The following RBM45 variants were observed in gnomAD, a reference collection of about 807,000 sequenced individuals.
RBM45 encodes the protein RNA-binding protein 45.
In RBM45, 39 loss-of-function variants were observed where a neutral mutation model predicts 58.5. The ratio of observed to expected loss-of-function variants is 0.67; its 90% CI spans 0.52 to 0.87. The LOEUF is 0.87. Among genes scored for constraint, RBM45 ranks in the 40% least tolerant of loss-of-function variants. The pLI, the probability that RBM45 is intolerant of heterozygous loss-of-function variation, is 0.00. For missense variants in RBM45, 481 were observed against 581.6 expected, an observed-to-expected ratio of 0.83 and a Z score of 1.78; for synonymous variants, 193 against 203.0, an observed-to-expected ratio of 0.95 and a Z score of 0.42.
At chr2:178,131,967 A>G (rs1379663595), downstream of RBM45, among the ~76,000 whole-genome samples, 1 of 152,206 alleles carries the variant, frequency 6.6e-6, no homozygotes, top group African/African-American at 2.4e-5. Flanking sequence ...CACTTTGAGT[A>G]TAAGAACATA....
At chr2:178,128,701 A>G (rs2153906549) in intron 9 of RBM45, among the ~76,000 whole-genome samples, 1 of 152,332 alleles carries the variant, frequency 6.6e-6, no homozygotes, top group South Asian at 2.1e-4. Context: ...TTAGTTGAAA[A>G]TGGCTGTTTG....
rs1431837538 is a variant in RBM45, at chr2:178,121,357, A to T, written c.851A>T (p.Tyr284Phe). The change falls in exon 5 of 10, where the codon TAT becomes TTT. Residue 284 changes from tyrosine to phenylalanine, a missense_variant and splice_region_variant. Physicochemically the swap from Tyr to Phe is conservative, Grantham distance 22. Transcript: ENST00000286070. Reference protein sequence around the residue: ...CEVQRDPYSNYGHGVVQYFNV... With the variant: ...CEVQRDPYSNFGHGVVQYFNV... Reference sequence around the variant, plus strand: ...GTTCAACGAGATCCTTATTCAAATTATGGTAAAATAATGTTCACATTAAAA... The same window carrying T: ...GTTCAACGAGATCCTTATTCAAATTTTGGTAAAATAATGTTCACATTAAAA... The T allele has an allele frequency of 2.0e-6, 3 of 1,522,650 alleles. No homozygotes were observed. The highest frequency in any genetic ancestry group is 1.4e-5 in the African/African-American group (1 of 70,806). The allele number at this position is 1,522,650 out of a possible 1,614,324, so 94.3% of individuals were successfully genotyped here.
At position 178,124,194 on chromosome 2, in the gene RBM45, A is replaced by G. The variant is rs1425071709; in HGVS notation, c.1136A>G (p.Lys379Arg). 1 of 1,609,728 alleles carries G rather than the reference A, an allele frequency of 6.2e-7. No individual in the cohort carries two copies. The highest frequency in any genetic ancestry group is 1.3e-5 in the African/African-American group (1 of 74,684). Residue 379 changes from lysine to arginine, a missense_variant, in exon 8 of 10, where the codon AAA (lysine) becomes AGA (arginine). Transcript: ENST00000286070. ...IQTDVVLPSC[K>R]KKAPAETPVK... The stretch of plus-strand genomic sequence containing the variant: ...ACAGATGTTGTACTTCCATCATGCA[A>G]AAAAAAAGCTCCTGCTGAAACTCCT...
intron 1 of RBM45, among the ~76,000 whole-genome samples, chr2:178,113,096 C>T (rs566988868): frequency 2.0e-5 from 3 of 152,282 alleles, no homozygotes; most frequent in African/African-American, 7.2e-5. Context: ...GCAGCCGCGG[C>T]CACCGGGTGA....
At chr2:178,114,513 T>G (rs2087746386) in intron 1 of RBM45, among the ~76,000 whole-genome samples, 1 of 152,268 alleles carries the variant, frequency 6.6e-6, no homozygotes, top group Admixed American at 6.5e-5. Flanking sequence ...ACTATTTTCT[T>G]TGTCACATTT....
At chr2:178,125,860 A>G (rs2087922112) in intron 8 of RBM45, 124 bp from the exon 9 acceptor site, 8 of 731,070 alleles carry the variant, frequency 1.1e-5, no homozygotes, top group Middle Eastern at 2.3e-4. Context: ...TTTAAGATTG[A>G]CATGAGTTGG....
At chr2:178,119,069 T>G (rs1031744509) in intron 3 of RBM45, among the ~76,000 whole-genome samples, 1 of 152,112 alleles carries the variant, frequency 6.6e-6, no homozygotes, top group African/African-American at 2.4e-5. Flanking sequence ...TAAAGAATAA[T>G]GGAAGAACTT....
chr2:178,114,316 T>A (rs1240528841), intron 1 of RBM45, among the ~76,000 whole-genome samples: 4 of 152,192 alleles, frequency 2.6e-5, no homozygotes, highest in Non-Finnish European at 5.9e-5. Flanking sequence ...GATTTTTATA[T>A]TTTGAGTGTA....
chr2:178,120,958 CTA>C (rs1445299206), intron 4 of RBM45: 3 of 362,016 alleles, frequency 8.3e-6, no homozygotes, highest in African/African-American at 6.3e-5. Flanking sequence ...TGAAATTAGA[CTA>C]TGCATTTCTT....
At chr2:178,119,735 G>C (rs192573197) in intron 3 of RBM45, among the ~76,000 whole-genome samples, 1 of 152,274 alleles carries the variant, frequency 6.6e-6, no homozygotes, top group East Asian at 1.9e-4. Flanking sequence ...TAAGCATTTT[G>C]TTTGAAGTGT....
chr2:178,121,205 T>G lies in RBM45; in HGVS notation c.699T>G (p.Phe233Leu), dbSNP rs760990981. The G allele has an allele frequency of 1.9e-6, 3 of 1,567,832 alleles. No homozygotes were observed. In the East Asian group the frequency reaches 6.8e-5, roughly 36 times the overall value. The change falls in exon 5 of 10, where the codon TTT becomes TTG. Residue 233 changes from phenylalanine to leucine, a missense_variant. By Grantham distance (22) the Phe-to-Leu change is conservative. Coordinates refer to ENST00000286070, the MANE Select transcript of RBM45 (RefSeq NM_152945.4). ...PFEQQSEFSS[F>L]DKNDSRGQEA... is the part of the protein sequence containing the mutation. ...AACAACAATCTGAATTTTCAAGTTTTGACAAGAATGATAGCCGAGGCCAGG... is the reference window on the plus strand; with the variant it reads ...AACAACAATCTGAATTTTCAAGTTTGGACAAGAATGATAGCCGAGGCCAGG...
chr2:178,128,580 C>T (rs2087965906), intron 9 of RBM45, among the ~76,000 whole-genome samples: 1 of 152,166 alleles, frequency 6.6e-6, no homozygotes, highest in African/African-American at 2.4e-5. Flanking sequence ...CAATTTCCTA[C>T]ATCAGAGGAA....
chr2:178,120,211 C>A, intron 3 of RBM45, 76 bp from the exon 4 acceptor site: 2 of 1,570,078 alleles, frequency 1.3e-6, no homozygotes, highest in South Asian at 1.1e-5. Flanking sequence ...AAAGCTGAGT[C>A]AGGCACTAGC....
chr2:178,125,767 A>T, intron 8 of RBM45: 1 of 684,452 alleles, frequency 1.5e-6, no homozygotes, highest in Non-Finnish European at 2.7e-6. Flanking sequence ...GAAACTAGTG[A>T]AAAAGGAGTT....
chr2:178,130,547 A>G (rs2087995335), downstream of RBM45, among the ~76,000 whole-genome samples: 1 of 152,128 alleles, frequency 6.6e-6, no homozygotes, highest in South Asian at 2.1e-4. Flanking sequence ...CTAAATAAAG[A>G]TTAAAAATTA....
In RBM45 at chr2:178,118,111, T is replaced by C. The variant is rs578129450; in HGVS notation, c.480T>C (p.Ser160=). 1.2e-5 allele frequency: 19 copies of C among 1,612,692 alleles called. No individual in the cohort carries two copies. Among genetic ancestry groups the C allele is most frequent in the Admixed American group, 1.7e-5 (1 of 59,958 alleles). ...TTAAGAATAAAGTGACTGGAGAAAGTAAAGGTTTGGGCTACGTACGATACT... is the reference window on the plus strand; with the variant it reads ...TTAAGAATAAAGTGACTGGAGAAAGCAAAGGTTTGGGCTACGTACGATACT... ...SIIKNKVTGE[S]KGLGYVRYLK... is the part of the protein sequence containing the mutation. The change falls in exon 3 of 10, where the codon AGT becomes AGC. Residue 160 remains serine, a synonymous_variant. Transcript: ENST00000286070.
rs1306820048 is a variant in RBM45, at chr2:178,129,574, T to C, written c.*186T>C. On this transcript the variant is annotated 3_prime_UTR_variant, in exon 10 of 10. Coordinates refer to ENST00000286070, the MANE Select transcript of RBM45 (RefSeq NM_152945.4). ...ATGTATTTTTGAATCCATACATTAA[T>C]GCTAAAACGAATATAGTAGTTGTTC... 5 of 152,688 alleles carry C rather than the reference T, an allele frequency of 3.3e-5. No individual in the cohort carries two copies. The highest frequency in any genetic ancestry group is 1.2e-4 in the African/African-American group (5 of 41,470). The allele number at this position is 152,688 out of a possible 1,614,324, so 9.5% of individuals were successfully genotyped here.
chr2:178,117,663 A>G (rs2087794462), intron 2 of RBM45, among the ~76,000 whole-genome samples: 1 of 152,228 alleles, frequency 6.6e-6, no homozygotes, highest in Non-Finnish European at 1.5e-5. Flanking sequence ...TGAGGTAGAT[A>G]CTACTGCTAG....
intron 1 of RBM45, among the ~76,000 whole-genome samples, chr2:178,113,792 A>G (rs2105896964): frequency 6.6e-6 from 1 of 152,338 alleles, no homozygotes; most frequent in South Asian, 2.1e-4. Flanking sequence ...TGCCCCATGT[A>G]AATAGTTGCT....
Sources: allele counts gnomAD v4.1 joint callset (sites outside exome capture counted in the v4.1 genomes callset), GRCh38; gene constraint gnomAD v4.1.1; transcripts MANE v1.5; gene names NCBI Gene and HGNC (gene_info 2026-07-23, HGNC 2026-07-21).